CDK14: variants seen among roughly 807,000 people sequenced by gnomAD.
CDK14 encodes cyclin dependent kinase 14, also known as cyclin-dependent kinase 14.
CDK14 carries 34 observed loss-of-function variants against 60.7 expected under a neutral mutation model. The observed-to-expected ratio is 0.56, with a 90% CI of 0.43 to 0.75. CDK14 has a LOEUF of 0.75. Ranked by LOEUF, CDK14 falls within the 30% of genes least tolerant of loss-of-function variation. CDK14 has a pLI of 0.00. For synonymous variants in CDK14, 197 were observed against 203.7 expected, an observed-to-expected ratio of 0.97 and a Z score of 0.28; for missense variants, 482 against 564.1, an observed-to-expected ratio of 0.85 and a Z score of 1.47.
At chr7:90,715,433 T>A (rs1802213724) in intron 2 of CDK14, among the ~76,000 whole-genome samples, 1 of 152,050 alleles carries the variant, frequency 6.6e-6, no homozygotes, top group Non-Finnish European at 1.5e-5. Context: ...GGTTAGTGCT[T>A]CTGACATGGT....
At chr7:90,639,986 G>T (rs780984439) in intron 2 of CDK14, among the ~76,000 whole-genome samples, 3 of 152,076 alleles carry the variant, frequency 2.0e-5, no homozygotes, top group Non-Finnish European at 4.4e-5. Context: ...CGCAGTATTC[G>T]GGTGGGAGAG....
intron 4 of CDK14, among the ~76,000 whole-genome samples, chr7:90,788,794 GC>G (rs564938012): frequency 1.2e-4 from 18 of 152,216 alleles, no homozygotes; most frequent in African/African-American, 3.1e-4. Context: ...GGATTCTCTG[GC>G]CCACATAAGT....
chr7:90,808,008 C>T (rs10247299), intron 5 of CDK14, among the ~76,000 whole-genome samples: 66,146 of 151,930 alleles, frequency 0.44, 15,187 homozygotes, highest in East Asian at 0.82. Flanking sequence ...CTGAAAGTGA[C>T]GAGGAGAATG....
chr7:90,902,234 GA>G (rs1178294460), intron 7 of CDK14, among the ~76,000 whole-genome samples: 6 of 151,994 alleles, frequency 3.9e-5, no homozygotes, highest in African/African-American at 1.4e-4. Context: ...TCATGCAGTA[GA>G]TAAACAATCC....
chr7:91,192,204 T>G (rs1381400378), intron 14 of CDK14, among the ~76,000 whole-genome samples: 1 of 152,096 alleles, frequency 6.6e-6, no homozygotes, highest in Non-Finnish European at 1.5e-5. Flanking sequence ...ATGCCAAGCC[T>G]CCAGGCCATG....
intron 2 of CDK14, among the ~76,000 whole-genome samples, chr7:90,624,781 C>G (rs1052119530): frequency 2.2e-4 from 34 of 152,206 alleles, no homozygotes; most frequent in African/African-American, 8.0e-4. Flanking sequence ...TGAGCTTCAG[C>G]GTCCTCATCT....
At chr7:91,174,713 G>T (rs2115828681) in intron 14 of CDK14, among the ~76,000 whole-genome samples, 1 of 129,992 alleles carries the variant, frequency 7.7e-6, no homozygotes, top group Non-Finnish European at 1.6e-5. Context: ...ATCAGCAATG[G>T]AAGATGAAAT....
chr7:91,168,752 G>A (rs1319635257), intron 14 of CDK14, among the ~76,000 whole-genome samples: 1 of 152,140 alleles, frequency 6.6e-6, no homozygotes, highest in Non-Finnish European at 1.5e-5. Context: ...TCTCATTTAG[G>A]AATTCATTTT....
intron 4 of CDK14, among the ~76,000 whole-genome samples, chr7:90,751,726 G>A (rs1803854436): frequency 6.6e-6 from 1 of 152,114 alleles, no homozygotes; most frequent in Non-Finnish European, 1.5e-5. Flanking sequence ...GCATAGAATT[G>A]TAAGTTGGAT....
chr7:91,116,798 A>C (rs960321377), intron 13 of CDK14, among the ~76,000 whole-genome samples: 1 of 151,918 alleles, frequency 6.6e-6, no homozygotes, highest in Non-Finnish European at 1.5e-5. Flanking sequence ...TTTCCAGGAC[A>C]GTATTCTCTC....
intron 12 of CDK14, among the ~76,000 whole-genome samples, chr7:91,093,646 C>T (rs1798896387): frequency 6.6e-6 from 1 of 152,096 alleles, no homozygotes; most frequent in Non-Finnish European, 1.5e-5. Context: ...ACAGAACTAC[C>T]ATTTGACTCA....
In CDK14 at chr7:90,806,987, A is replaced by T. The variant is rs1272538255; in HGVS notation, c.544+16335A>T. ...TGGCCAGGAAGCTCAAACTGGGTGG[A>T]GCCCACTGCAGCTCAAGGAGGCCTG... is the stretch of plus-strand genomic sequence containing the variant. On this transcript the variant is annotated intron_variant, in intron 5 of 14. Coordinates refer to ENST00000380050, the MANE Select transcript of CDK14 (RefSeq NM_001287135.2). 2.0e-5 allele frequency among the ~76,000 whole-genome samples: 3 copies of T among 152,218 alleles called. No homozygotes were observed. The East Asian group carries it at 5.8e-4, about 29-fold the overall frequency.
chr7:90,966,322 AT>A (rs1186553887), intron 9 of CDK14, among the ~76,000 whole-genome samples: 1 of 151,864 alleles, frequency 6.6e-6, no homozygotes, highest in Non-Finnish European at 1.5e-5. Flanking sequence ...TTGGCTTTTC[AT>A]TTACTTTTAT....
chr7:90,992,584 A>T (rs973148695), intron 10 of CDK14, among the ~76,000 whole-genome samples: 3 of 152,202 alleles, frequency 2.0e-5, no homozygotes, highest in East Asian at 3.9e-4. Context: ...CATTTTACAT[A>T]CCATGTTCTG....
intron 14 of CDK14, among the ~76,000 whole-genome samples, chr7:91,167,224 T>G (rs1204460729): frequency 6.6e-6 from 1 of 152,214 alleles, no homozygotes; most frequent in East Asian, 1.9e-4. Context: ...CAGAATTTCT[T>G]TACTGTCTTC....
At chr7:90,834,029 AAAAGACCCCTT>A (rs1790008335) in intron 5 of CDK14, among the ~76,000 whole-genome samples, 1 of 152,206 alleles carries the variant, frequency 6.6e-6, no homozygotes, top group African/African-American at 2.4e-5. Flanking sequence ...GGCAGTGACT[AAAAGACCCCTT>A]GGTGGTGCTT....
rs181727670 is a variant in CDK14, at chr7:91,067,568, C to T, written c.1106-11864C>T. On this transcript the variant is annotated intron_variant, in intron 11 of 14. Transcript: ENST00000380050. ...TTCTATATTTAGTTTTCAATGCCAC[C>T]GAACTGTAACCAGGACTTAGTTATT... 7.9e-5 allele frequency among the ~76,000 whole-genome samples: 12 copies of T among 152,272 alleles called. No homozygotes were observed. The East Asian group carries it at 9.6e-4, about 12-fold the overall frequency.
intron 10 of CDK14, among the ~76,000 whole-genome samples, chr7:90,991,127 T>C (rs1935133920): frequency 6.6e-6 from 1 of 152,176 alleles, no homozygotes; most frequent in African/African-American, 2.4e-5. Flanking sequence ...ATCAACGATG[T>C]CATTGAAAAT....
chr7:91,107,889 G>A (rs1043412278), intron 12 of CDK14: 7 of 152,192 alleles, frequency 4.6e-5, no homozygotes, highest in Non-Finnish European at 1.0e-4. Context: ...TAGGCTTAGC[G>A]AATGATAAGT....
Sources: gnomAD v4.1 joint callset for allele counts (sites outside exome capture counted in the v4.1 genomes callset) on GRCh38, gnomAD v4.1.1 for gene constraint, MANE v1.5 for transcripts, NCBI Gene and HGNC (gene_info 2026-07-23, HGNC 2026-07-21) for gene names.